CLIP1: variants seen among roughly 807,000 people sequenced by gnomAD.
The protein encoded by CLIP1 is CAP-Gly domain containing linker protein 1.
CLIP1 carries 66 observed loss-of-function variants against 161.6 expected under a neutral mutation model. The observed-to-expected ratio is 0.41, with a 90% CI of 0.33 to 0.50. The LOEUF is 0.50. CLIP1 is among the 20% of genes least tolerant of loss of function. The probability of loss-of-function intolerance (pLI) is 0.27; values close to 1 mark genes in which losing one functional copy is unlikely to be tolerated. For synonymous variants in CLIP1, 598 were observed against 626.2 expected (o/e 0.96, Z 0.67); for missense variants, 1,376 against 1,702.0 (o/e 0.81, Z 3.37).
chr12:122,338,796 AAAAGT>A (rs1160645074), intron 11 of CLIP1, among the ~76,000 whole-genome samples: 3 of 152,328 alleles, frequency 2.0e-5, no homozygotes, highest in African/African-American at 7.2e-5. Flanking sequence ...CTTGATGTTA[AAAAGT>A]AAACTAGCAT....
chr12:122,351,148 C>G lies in CLIP1; in HGVS notation c.1369-5G>C, dbSNP rs763369057. ...TTCAGAAATCTGGCTCTTTTGCTAT[C>G]AGTAAAAAAATAAAAAAAATTAAAC... On this transcript the variant is annotated splice_polypyrimidine_tract_variant and splice_region_variant and intron_variant, in intron 8 of 25. Coordinates refer to ENST00000620786, the MANE Select transcript of CLIP1 (RefSeq NM_001247997.2). The G allele has an allele frequency of 1.4e-6, 2 of 1,477,650 alleles. No homozygotes were observed. Among genetic ancestry groups the G allele is most frequent in the Non-Finnish European group, 1.8e-6 (2 of 1,117,942 alleles). 91.5% of individuals were successfully genotyped at this position (1,477,650 alleles called of 1,614,324 possible).
At chr12:122,387,011 C>G (rs1317154400) in intron 1 of CLIP1, among the ~76,000 whole-genome samples, 1 of 152,066 alleles carries the variant, frequency 6.6e-6, no homozygotes, top group Non-Finnish European at 1.5e-5. Context: ...CCACCTTCGC[C>G]TCCCATGTAT....
At chr12:122,326,831 T>C (rs1390279543) in intron 17 of CLIP1, among the ~76,000 whole-genome samples, 3 of 152,028 alleles carry the variant, frequency 2.0e-5, no homozygotes, top group African/African-American at 4.8e-5. Flanking sequence ...GAATTGTATC[T>C]AGTGTTAAAT....
chr12:122,412,060 C>CTTTTTTTTTTT (rs71082989), intron 1 of CLIP1, among the ~76,000 whole-genome samples: 2 of 81,580 alleles, frequency 2.5e-5, no homozygotes, highest in African/African-American at 9.4e-5. Flanking sequence ...CAGTTATTTT[C>CTTTTTTTTTTT]TTTTTTTTTT....
intron 19 of CLIP1, among the ~76,000 whole-genome samples, chr12:122,310,463 GT>G (rs1412332226): frequency 6.6e-6 from 1 of 152,126 alleles, no homozygotes; most frequent in Non-Finnish European, 1.5e-5. Context: ...CATAACAGGT[GT>G]TTTATTTTAT....
In CLIP1 at chr12:122,354,559, G is replaced by T; in HGVS notation, c.1204-3C>A. 6.2e-7 allele frequency: 1 copy of T among 1,610,874 alleles called. No individual in the cohort carries two copies. The highest frequency in any genetic ancestry group is 8.5e-7 in the Non-Finnish European group (1 of 1,177,224). The stretch of plus-strand genomic sequence containing the variant: ...TTGGCTTCCAATTCCAGGACATGCT[G>T]GGGAAGGCAAGAATGTCGGTAAATG... On this transcript the variant is annotated splice_region_variant and splice_polypyrimidine_tract_variant and intron_variant, in intron 6 of 25. Transcript: ENST00000620786.
chr12:122,357,528 C>A (rs1374398439), intron 5 of CLIP1, among the ~76,000 whole-genome samples: 1 of 148,538 alleles, frequency 6.7e-6, no homozygotes, highest in Non-Finnish European at 1.5e-5. Flanking sequence ...GCCCGCCACC[C>A]GGCCAGCCGC....
At chr12:122,357,013 C>T (rs1203298405) in intron 5 of CLIP1, among the ~76,000 whole-genome samples, 3 of 152,236 alleles carry the variant, frequency 2.0e-5, no homozygotes, top group Non-Finnish European at 2.9e-5. Flanking sequence ...AGCCGCCTGC[C>T]TTGGCCTCCC....
At position 122,294,540 on chromosome 12, in the gene CLIP1, AC is replaced by A. The variant is rs1950395308; in HGVS notation, c.3595-6000del. 2.0e-5 allele frequency among the ~76,000 whole-genome samples: 3 copies of A among 151,936 alleles called. No homozygotes were observed. The South Asian group carries it at 6.3e-4, about 32-fold the overall frequency. On this transcript the variant is annotated intron_variant, in intron 20 of 25. Transcript: ENST00000620786. ...CACTCTGGGAGGCCAAGGCAGGATG[AC>A]CACTTGAGCCCAGGAGTTCGAGACC...
chr12:122,383,060 C>T (rs1361944703), intron 1 of CLIP1, among the ~76,000 whole-genome samples: 1 of 152,142 alleles, frequency 6.6e-6, no homozygotes, highest in Non-Finnish European at 1.5e-5. Context: ...CTAGACTCAG[C>T]CAACAACGAC....
At chr12:122,328,561 A>G in intron 15 of CLIP1, 135 bp from the exon 16 acceptor site, 1 of 516,976 alleles carries the variant, frequency 1.9e-6, no homozygotes, top group Non-Finnish European at 2.9e-6. Flanking sequence ...GAACTAGGCA[A>G]GAAATTTTGT....
Position 122,323,387 on chromosome 12 carries a change from T to A in CLIP1, c.3250-4039A>T, listed in dbSNP as rs1951589871. On this transcript the variant is annotated intron_variant, in intron 17 of 25. Transcript: ENST00000620786. The surrounding 1 kb of genome is among the most constrained non-coding windows in gnomAD (Gnocchi z 4.1). The stretch of plus-strand genomic sequence containing the variant: ...TCTCTCGGAGGCAGCCAAGGTTTCT[T>A]TCTCATGCAGAAGCTGGATGCACTC... 1 of 152,648 alleles carries A rather than the reference T, an allele frequency of 6.6e-6. No homozygotes were observed. Among genetic ancestry groups the A allele is most frequent in the Non-Finnish European group, 1.5e-5 (1 of 68,042 alleles). The allele number at this position is 152,648 out of a possible 1,614,324, so 9.5% of individuals were successfully genotyped here. A position where few individuals can be genotyped will look rare whatever the true frequency, so the allele number is the denominator to read the frequency against.
rs112718883 is a variant in CLIP1, at chr12:122,331,397, C to A, written c.2867+1590G>T. Among the ~76,000 whole-genome samples, 790 of 151,988 alleles carry A rather than the reference C, an allele frequency of 5.2e-3. 11 individuals carry two copies. Among genetic ancestry groups the A allele is most frequent in the African/African-American group, 0.017 (710 of 41,460 alleles). On this transcript the variant is annotated intron_variant, in intron 15 of 25. Coordinates refer to ENST00000620786, the MANE Select transcript of CLIP1 (RefSeq NM_001247997.2). Reference sequence around the variant, plus strand: ...CAGCATGATCCTGGCTCATTGCAACCTCCGCCTCCTGGGTTCAAGCGATTC... The same window carrying A: ...CAGCATGATCCTGGCTCATTGCAACATCCGCCTCCTGGGTTCAAGCGATTC...
chr12:122,355,499 A>C lies in CLIP1; in HGVS notation c.1006-187T>G. The C allele has an allele frequency of 5.1e-6, 3 of 588,744 alleles. No individual in the cohort carries two copies. Among genetic ancestry groups the C allele is most frequent in the Non-Finnish European group, 9.1e-6 (3 of 329,118 alleles). 36.5% of individuals were successfully genotyped at this position (588,744 alleles called of 1,614,324 possible). A position where few individuals can be genotyped will look rare whatever the true frequency, so the allele number is the denominator to read the frequency against. ...TGTGTGCCTTCTGTCTATAAATCTC[A>C]CAAAGAATACATCAACGTAAAGAGA... On this transcript the variant is annotated intron_variant, in intron 5 of 25. Coordinates refer to ENST00000620786, the MANE Select transcript of CLIP1 (RefSeq NM_001247997.2). The surrounding 1 kb of genome is among the most constrained non-coding windows in gnomAD (Gnocchi z 4.1).
chr12:122,341,762 CTTTTTTTTTTTTTTTTTTTTTTTTTTTT>C (rs57202144), intron 10 of CLIP1, 65 bp from the exon 11 acceptor site: 1,187 of 98,628 alleles, frequency 0.012, 67 homozygotes, highest in South Asian at 0.013. Flanking sequence ...ATTTTCTTTT[CTTTTTTTTTTTTTTTTTTTTTTTTTTTT>C]TTTTTTTTTT....
intron 15 of CLIP1, among the ~76,000 whole-genome samples, chr12:122,331,502 A>T (rs1421530712): frequency 6.6e-6 from 1 of 151,462 alleles, no homozygotes; most frequent in African/African-American, 2.4e-5. Context: ...TTTAGTAGCG[A>T]TAGGGTTTCA....
rs149783606 is a variant in CLIP1 at position 122,294,812 on chromosome 12, G to A, written c.3595-6271C>T. On this transcript the variant is annotated intron_variant, in intron 20 of 25. Coordinates refer to ENST00000620786, the MANE Select transcript of CLIP1 (RefSeq NM_001247997.2). ...CGTCTGTAATCTCAGCACTTTGGGAGGCAAGGTAGGCAGATCATGAGGTCA... is the reference window on the plus strand; with the variant it reads ...CGTCTGTAATCTCAGCACTTTGGGAAGCAAGGTAGGCAGATCATGAGGTCA... Among the ~76,000 whole-genome samples the A allele has an allele frequency of 5.1e-3, 783 of 152,088 alleles. 9 individuals are homozygous for A. The highest frequency in any genetic ancestry group is 0.018 in the African/African-American group (737 of 41,484).
chr12:122,352,029 T>C (rs10773090), intron 8 of CLIP1, among the ~76,000 whole-genome samples: 72,706 of 150,822 alleles, frequency 0.48, 21,201 homozygotes, highest in Non-Finnish European at 0.63. Context: ...AAAGCAAAGC[T>C]GAGATAAAGC....
At chr12:122,331,156 A>G (rs1002036456) in intron 15 of CLIP1, among the ~76,000 whole-genome samples, 13 of 151,084 alleles carry the variant, frequency 8.6e-5, no homozygotes, top group African/African-American at 2.9e-4. Flanking sequence ...CTGGGATTAC[A>G]GGAATGCGCC....
Sources: allele counts gnomAD v4.1 joint callset (sites outside exome capture counted in the v4.1 genomes callset), GRCh38; gene constraint gnomAD v4.1.1; non-coding constraint Gnocchi (gnomAD v3.1); transcripts MANE v1.5; gene names NCBI Gene and HGNC (gene_info 2026-07-23, HGNC 2026-07-21).